The following GSTO1 variants were observed in gnomAD, a reference collection of about 807,000 sequenced individuals.
The protein encoded by GSTO1 is glutathione S-transferase omega 1, also known as glutathione S-transferase omega-1.
Under a neutral mutation model 23.8 loss-of-function variants are expected in GSTO1, and 27 were observed. The ratio of observed to expected loss-of-function variants is 1.13; its 90% CI spans 0.83 to 1.56. The LOEUF is 1.56. Ranked by LOEUF, GSTO1 falls within the 40% of genes most tolerant of loss-of-function variation. The pLI is 0.00. For synonymous variants in GSTO1, 105 were observed against 109.3 expected, an observed-to-expected ratio of 0.96 and a Z score of 0.25; for missense variants, 255 against 285.8, an observed-to-expected ratio of 0.89 and a Z score of 0.78.
intron 4 of GSTO1, 104 bp from the exon 5 acceptor site, chr10:104,265,979 TA>T: frequency 3.3e-6 from 2 of 606,176 alleles, no homozygotes; most frequent in South Asian, 4.5e-5. Context: ...TACATCGGAG[TA>T]AAAACTGCTT....
chr10:104,254,272 A>C (rs1589842635), upstream of GSTO1: 1 of 152,516 alleles, frequency 6.6e-6, no homozygotes, highest in Non-Finnish European at 1.5e-5. Context: ...ATGAAATTCA[A>C]CTGATCTGTT....
intron 2 of GSTO1, among the ~76,000 whole-genome samples, chr10:104,257,096 T>A (rs957018057): frequency 5.3e-5 from 8 of 152,088 alleles, no homozygotes; most frequent in African/African-American, 1.5e-4. Flanking sequence ...GGTGTCTATT[T>A]TTTTTTTAGT....
intron 5 of GSTO1, among the ~76,000 whole-genome samples, chr10:104,266,653 C>T (rs2011189710): frequency 6.6e-6 from 1 of 151,802 alleles, no homozygotes; most frequent in Non-Finnish European, 1.5e-5. Context: ...AGGAGAATCA[C>T]TTGAACCCGG....
chr10:104,255,923 G>A (rs1220796258), intron 2 of GSTO1, among the ~76,000 whole-genome samples: 1 of 152,176 alleles, frequency 6.6e-6, no homozygotes, highest in Non-Finnish European at 1.5e-5. Context: ...CTGACACCAA[G>A]TATCCATTGG....
intron 5 of GSTO1, 120 bp from the exon 6 acceptor site, chr10:104,267,132 T>TCA: frequency 6.9e-6 from 4 of 582,494 alleles, no homozygotes; most frequent in Non-Finnish European, 1.2e-5. Context: ...TTTAAATATT[T>TCA]TTAATGAAAT....
chr10:104,263,199 C>G, intron 4 of GSTO1, 122 bp downstream of exon 4: 1 of 529,840 alleles, frequency 1.9e-6, no homozygotes, highest in Admixed American at 3.5e-5. Context: ...GGAAAATTCC[C>G]CTAAACATTT....
At chr10:104,257,215 A>G (rs184463921) in intron 2 of GSTO1, among the ~76,000 whole-genome samples, 1 of 152,308 alleles carries the variant, frequency 6.6e-6, no homozygotes, top group African/African-American at 2.4e-5. Flanking sequence ...CCTAAATACA[A>G]TCTGACTATA....
intron 5 of GSTO1, among the ~76,000 whole-genome samples, chr10:104,266,993 T>G (rs944415135): frequency 6.6e-6 from 1 of 152,194 alleles, no homozygotes; most frequent in Non-Finnish European, 1.5e-5. Flanking sequence ...TTTAATAAAT[T>G]GTCAGTTTCT....
rs541811664 is a variant in GSTO1, at chr10:104,255,082, G to A, written c.35-81G>A. The stretch of plus-strand genomic sequence containing the variant: ...CACCGGCGGGGAACGGGTCGGAGCT[G>A]CAGTGGGACGCGGGGGCGGTGGGAT... On this transcript the variant is annotated intron_variant, in intron 1 of 5. Transcript: ENST00000369713. The A allele has an allele frequency of 3.5e-6, 5 of 1,425,186 alleles. No individual in the cohort carries two copies. The East Asian group carries it at 9.2e-5, about 26-fold the overall frequency. The allele number at this position is 1,425,186 out of a possible 1,614,324, so 88.3% of individuals were successfully genotyped here.
chr10:104,265,947 TC>T (rs1390828360), intron 4 of GSTO1, 136 bp from the exon 5 acceptor site: 3 of 511,298 alleles, frequency 5.9e-6, no homozygotes, highest in African/African-American at 5.7e-5. Context: ...AGCTTTTTGA[TC>T]AGAAAAAAAC....
intron 2 of GSTO1, among the ~76,000 whole-genome samples, chr10:104,256,950 A>C (rs1006722218): frequency 2.0e-5 from 3 of 151,428 alleles, no homozygotes; most frequent in Non-Finnish European, 4.4e-5. Flanking sequence ...TGAACCTTTT[A>C]AATTACATGC....
intron 3 of GSTO1, among the ~76,000 whole-genome samples, chr10:104,262,281 G>A (rs1266691078): frequency 6.6e-6 from 1 of 152,222 alleles, no homozygotes; most frequent in Admixed American, 6.5e-5. Flanking sequence ...AGCATCTGGT[G>A]CTCAGCTTGG....
intron 4 of GSTO1, 54 bp downstream of exon 4, chr10:104,263,131 C>G: frequency 1.4e-6 from 1 of 724,854 alleles, no homozygotes; most frequent in Admixed American, 2.4e-5. Flanking sequence ...ATCTACCCTC[C>G]TTTTCCTCCT....
intron 5 of GSTO1, 122 bp from the exon 6 acceptor site, chr10:104,267,130 T>G (rs990766988): frequency 2.8e-5 from 16 of 580,074 alleles, no homozygotes; most frequent in Middle Eastern, 2.8e-4. Context: ...TTTTTAAATA[T>G]TTTTAATGAA....
intron 2 of GSTO1, among the ~76,000 whole-genome samples, chr10:104,256,988 G>A (rs993909864): frequency 2.0e-5 from 3 of 151,672 alleles, no homozygotes; most frequent in Admixed American, 6.6e-5. Flanking sequence ...CAAATTGGAT[G>A]TTCCTTTGTT....
At chr10:104,259,507 C>A (rs2011120170) in intron 2 of GSTO1, 69 bp from the exon 3 acceptor site, 2 of 948,720 alleles carry the variant, frequency 2.1e-6, no homozygotes, top group South Asian at 1.5e-5. Flanking sequence ...GATGGCAAAG[C>A]CAGTGAGAAT....
At chr10:104,266,464 T>C (rs1402542383) in intron 5 of GSTO1, among the ~76,000 whole-genome samples, 2 of 152,214 alleles carry the variant, frequency 1.3e-5, no homozygotes, top group East Asian at 1.9e-4. Flanking sequence ...GGGAAGGATA[T>C]GGTAGCTTAC....
intron 4 of GSTO1, among the ~76,000 whole-genome samples, chr10:104,264,071 G>A (rs2011160345): frequency 6.6e-6 from 1 of 152,088 alleles, no homozygotes; most frequent in Admixed American, 6.5e-5. Flanking sequence ...TACTCTTATA[G>A]TATCATTATT....
At chr10:104,255,637 C>CGTT (rs2091599639) in intron 2 of GSTO1, among the ~76,000 whole-genome samples, 1 of 152,198 alleles carries the variant, frequency 6.6e-6, no homozygotes. Context: ...TGTGATTTCC[C>CGTT]GTTCTTATTC....
Sources: gnomAD v4.1 joint callset for allele counts (sites outside exome capture counted in the v4.1 genomes callset) on GRCh38, gnomAD v4.1.1 for gene constraint, MANE v1.5 for transcripts, NCBI Gene and HGNC (gene_info 2026-07-23, HGNC 2026-07-21) for gene names.